Variants in CTNNA3 observed in about 807,000 individuals in gnomAD.
CTNNA3 encodes catenin alpha 3.
In CTNNA3, 76 loss-of-function variants were observed where a neutral mutation model predicts 95.7. The observed-to-expected ratio is 0.79, with a 90% CI of 0.66 to 0.96. The LOEUF (loss-of-function observed/expected upper bound fraction) is 0.96. Ranked by LOEUF, CTNNA3 falls within the 40% of genes least tolerant of loss-of-function variation. The pLI, the probability that CTNNA3 is intolerant of heterozygous loss-of-function variation, is 0.00. For missense variants in CTNNA3, 1,191 were observed against 1,089.8 expected (o/e 1.09, Z -1.31); for synonymous variants, 431 against 374.4 (o/e 1.15, Z -1.74).
chr10:67,175,094 A>C (rs2132122402), intron 7 of CTNNA3, among the ~76,000 whole-genome samples: 1 of 6,386 alleles, frequency 1.6e-4, no homozygotes, highest in South Asian at 6.2e-3. Flanking sequence ...AAAGAAAGGA[A>C]GGGAGGGAGG....
At chr10:67,134,331 C>T (rs72806614) in intron 7 of CTNNA3, among the ~76,000 whole-genome samples, 696 of 152,114 alleles carry the variant, frequency 4.6e-3, no homozygotes, top group Middle Eastern at 0.01. Context: ...GAAGTGATAA[C>T]GAGACTGATA....
intron 13 of CTNNA3, among the ~76,000 whole-genome samples, chr10:66,215,325 G>A (rs576711913): frequency 1.2e-4 from 19 of 152,276 alleles, no homozygotes; most frequent in Non-Finnish European, 2.1e-4. Flanking sequence ...CCCAAGCAAC[G>A]TGCTATGCCC....
At chr10:66,583,802 G>T (rs1843273298) in intron 10 of CTNNA3, among the ~76,000 whole-genome samples, 1 of 151,538 alleles carries the variant, frequency 6.6e-6, no homozygotes, top group Admixed American at 6.6e-5. Context: ...CAGAATTATT[G>T]ATGTTGGCAT....
chr10:67,239,099 A>AT (rs1279372851), intron 5 of CTNNA3, among the ~76,000 whole-genome samples: 2 of 152,210 alleles, frequency 1.3e-5, no homozygotes, highest in African/African-American at 4.8e-5. Flanking sequence ...AAATTAAACT[A>AT]TAACTATCTT....
chr10:66,832,692 C>G (rs1842761698), intron 7 of CTNNA3, among the ~76,000 whole-genome samples: 1 of 151,526 alleles, frequency 6.6e-6, no homozygotes, highest in African/African-American at 2.4e-5. Context: ...ACAGATTCTT[C>G]TAGCTAGTAG....
chr10:66,578,051 G>C (rs1170106065), intron 10 of CTNNA3, among the ~76,000 whole-genome samples: 3 of 151,930 alleles, frequency 2.0e-5, no homozygotes, highest in Non-Finnish European at 4.4e-5. Flanking sequence ...TCCTTAGTAA[G>C]CTGTATTCCT....
chr10:67,039,353 T>C (rs1013083563), intron 7 of CTNNA3, among the ~76,000 whole-genome samples: 7 of 152,166 alleles, frequency 4.6e-5, no homozygotes, highest in Non-Finnish European at 1.0e-4. Flanking sequence ...TAAGAAGTTT[T>C]TTCTGGAGAC....
At chr10:67,293,465 G>C (rs1321367287) in intron 5 of CTNNA3, among the ~76,000 whole-genome samples, 1 of 152,028 alleles carries the variant, frequency 6.6e-6, no homozygotes, top group East Asian at 1.9e-4. Context: ...CTTATGACTG[G>C]AACATGTTAT....
intron 9 of CTNNA3, among the ~76,000 whole-genome samples, chr10:66,650,951 C>A (rs534454177): frequency 2.0e-5 from 3 of 152,260 alleles, no homozygotes; most frequent in South Asian, 4.1e-4. Flanking sequence ...GCTCGGGCAG[C>A]CTCCTTTTAT....
chr10:66,279,631 C>G (rs1170153052), intron 13 of CTNNA3, among the ~76,000 whole-genome samples: 3 of 151,908 alleles, frequency 2.0e-5, no homozygotes, highest in African/African-American at 2.4e-5. Flanking sequence ...GGATCAAGCC[C>G]CAAGCCCCAG....
intron 7 of CTNNA3, among the ~76,000 whole-genome samples, chr10:66,970,795 C>CA (rs1442706616): frequency 1.5e-4 from 23 of 151,806 alleles, no homozygotes; most frequent in Admixed American, 2.0e-4. Flanking sequence ...TGAATTATAC[C>CA]AAAAAAGAGA....
chr10:67,237,372 G>A (rs1750718411), intron 5 of CTNNA3, among the ~76,000 whole-genome samples: 1 of 151,038 alleles, frequency 6.6e-6, no homozygotes, highest in African/African-American at 2.4e-5. Context: ...GGACTTTGGG[G>A]ACTTGGGGTG....
At chr10:66,813,831 CGT>C (rs769809892) in intron 7 of CTNNA3, among the ~76,000 whole-genome samples, 1,040 of 92,606 alleles carry the variant, frequency 0.011, 11 homozygotes, top group African/African-American at 0.044. Context: ...GGGGGAAGGG[CGT>C]GTGTGTGTGT....
chr10:67,231,939 A>C (rs1305274381), intron 5 of CTNNA3, among the ~76,000 whole-genome samples: 3 of 152,342 alleles, frequency 2.0e-5, no homozygotes, highest in South Asian at 2.1e-4. Context: ...AATGAAATGA[A>C]GTGAGAAGGG....
intron 7 of CTNNA3, among the ~76,000 whole-genome samples, chr10:66,898,272 C>T (rs928272321): frequency 2.0e-5 from 3 of 152,082 alleles, no homozygotes; most frequent in African/African-American, 4.8e-5. Context: ...AAATGTGACT[C>T]AATATAAATA....
intron 5 of CTNNA3, among the ~76,000 whole-genome samples, chr10:67,447,585 C>G (rs1293425204): frequency 6.6e-6 from 1 of 152,146 alleles, no homozygotes; most frequent in Non-Finnish European, 1.5e-5. Context: ...CCACCCATAT[C>G]TGTTTGGCCC....
At chr10:67,008,235 A>G (rs10762126) in intron 7 of CTNNA3, among the ~76,000 whole-genome samples, 80,362 of 151,870 alleles carry the variant, frequency 0.53, 21,965 homozygotes, top group Middle Eastern at 0.74. Flanking sequence ...AGAAATGAAC[A>G]TATTAATGTT....
intron 15 of CTNNA3, among the ~76,000 whole-genome samples, chr10:66,018,188 A>ACACACACACACACACACACG (rs1491130997): frequency 9.1e-5 from 1 of 10,954 alleles, no homozygotes; most frequent in African/African-American, 6.0e-4. Flanking sequence ...CAGCTCAAAT[A>ACACACACACACACACACACG]CACACACACA....
intron 15 of CTNNA3, among the ~76,000 whole-genome samples, chr10:66,013,064 C>T (rs557732417): frequency 5.3e-5 from 8 of 152,252 alleles, no homozygotes; most frequent in African/African-American, 1.9e-4. Context: ...TGACACCTGG[C>T]TAATTTTTGT....
Sources: gnomAD v4.1 joint callset for allele counts (sites outside exome capture counted in the v4.1 genomes callset) on GRCh38, gnomAD v4.1.1 for gene constraint, MANE v1.5 for transcripts, NCBI Gene and HGNC (gene_info 2026-07-23, HGNC 2026-07-21) for gene names.